Variants in GUCA1C observed in about 807,000 individuals in gnomAD.
GUCA1C encodes the protein guanylate cyclase activator 1C.
Under a neutral mutation model 16.2 loss-of-function variants are expected in GUCA1C, and 15 were observed. The observed-to-expected ratio is 0.93, with a 90% CI of 0.62 to 1.43. The LOEUF is 1.43. GUCA1C is among the 40% of genes most tolerant of loss of function. The pLI is 0.00. For synonymous variants in GUCA1C, 78 were observed against 85.4 expected, an observed-to-expected ratio of 0.91 and a Z score of 0.48; for missense variants, 275 against 244.8, an observed-to-expected ratio of 1.12 and a Z score of -0.82.
At chr3:108,940,929 G>C (rs934064903) in intron 1 of GUCA1C, among the ~76,000 whole-genome samples, 11 of 152,200 alleles carry the variant, frequency 7.2e-5, no homozygotes, top group Non-Finnish European at 1.5e-4. Context: ...TCTTGTCCAA[G>C]ATTACATACC....
At chr3:108,918,121 T>C (rs1386478107) in intron 2 of GUCA1C, among the ~76,000 whole-genome samples, 1 of 152,238 alleles carries the variant, frequency 6.6e-6, no homozygotes, top group East Asian at 1.9e-4. Context: ...TTCAGGGCTG[T>C]CCTGTGCACC....
chr3:108,945,224 T>C (rs1038698790), intron 1 of GUCA1C, among the ~76,000 whole-genome samples: 3 of 152,248 alleles, frequency 2.0e-5, no homozygotes, highest in East Asian at 3.8e-4. Flanking sequence ...GAGGAACCAA[T>C]GGCCAGCAAC....
intron 1 of GUCA1C, among the ~76,000 whole-genome samples, chr3:108,939,699 T>G (rs993506562): frequency 1.3e-5 from 2 of 152,020 alleles, no homozygotes. Flanking sequence ...TTAGTAGTTT[T>G]GGACTCAGAA....
At chr3:108,942,275 A>G (rs1946794337) in intron 1 of GUCA1C, among the ~76,000 whole-genome samples, 1 of 152,192 alleles carries the variant, frequency 6.6e-6, no homozygotes, top group South Asian at 2.1e-4. Flanking sequence ...ATGAGTAATA[A>G]TCAAAGTTTT....
chr3:108,951,141 G>T (rs1367914919), intron 1 of GUCA1C, among the ~76,000 whole-genome samples: 1 of 152,136 alleles, frequency 6.6e-6, no homozygotes, highest in Non-Finnish European at 1.5e-5. Context: ...GGTGGGAGAA[G>T]AGGAAATGGG....
chr3:108,935,129 T>C (rs954987362), intron 1 of GUCA1C, among the ~76,000 whole-genome samples: 15 of 151,884 alleles, frequency 9.9e-5, no homozygotes, highest in African/African-American at 3.6e-4. Context: ...TGCTCTTAAG[T>C]AGGAGCTAAA....
At chr3:108,952,109 T>A (rs1946901117) in intron 1 of GUCA1C, among the ~76,000 whole-genome samples, 1 of 152,160 alleles carries the variant, frequency 6.6e-6, no homozygotes, top group South Asian at 2.1e-4. Flanking sequence ...GAAGCTGCTG[T>A]CTAGAGCAAC....
chr3:108,936,086 G>A (rs1049641300), intron 1 of GUCA1C, among the ~76,000 whole-genome samples: 4 of 152,050 alleles, frequency 2.6e-5, no homozygotes, highest in Admixed American at 6.6e-5. Flanking sequence ...GCAACATGGT[G>A]AAGCCCCGTC....
At chr3:108,938,725 T>A (rs1488267701) in intron 1 of GUCA1C, among the ~76,000 whole-genome samples, 4 of 152,212 alleles carry the variant, frequency 2.6e-5, no homozygotes, top group Admixed American at 2.6e-4. Flanking sequence ...TACTGCTGGC[T>A]TGGAAATTGG....
rs534636822 is a variant in GUCA1C, at chr3:108,938,064, A to C, written c.204+15495T>G. ...TGATAGAGCAAGACTCTGTCTAAAA[A>C]AAAAAACAAAAAACACAGAAATAGA... On this transcript the variant is annotated intron_variant, in intron 1 of 3. Coordinates refer to ENST00000261047, the MANE Select transcript of GUCA1C (RefSeq NM_005459.4). Among the ~76,000 whole-genome samples, 93 of 152,234 alleles carry C rather than the reference A, an allele frequency of 6.1e-4. 1 individual carries two copies. The highest frequency in any genetic ancestry group is 2.0e-3 in the African/African-American group (83 of 41,576).
rs1198303967 is a variant in GUCA1C at position 108,931,891 on chromosome 3, C to T, written c.205-11306G>A. Among the ~76,000 whole-genome samples the T allele has an allele frequency of 5.2e-5, 6 of 115,932 alleles. No homozygotes were observed. In the South Asian group the frequency reaches 1.1e-3, roughly 21 times the overall value. 76.1% of individuals were successfully genotyped at this position (115,932 alleles called of 152,430 possible). A position where few individuals can be genotyped will look rare whatever the true frequency, so the allele number is the denominator to read the frequency against. ...TTTTTTTTTTTTTTTTTTTTTGAGA[C>T]GGAGTCTCGCTCTGTCACCCAGGCT... On this transcript the variant is annotated intron_variant, in intron 1 of 3. Coordinates refer to ENST00000261047, the MANE Select transcript of GUCA1C (RefSeq NM_005459.4).
At position 108,939,172 on chromosome 3, in the gene GUCA1C, C is replaced by A. The variant is rs531772356; in HGVS notation, c.204+14387G>T. On this transcript the variant is annotated intron_variant, in intron 1 of 3. Transcript: ENST00000261047. ...CCCAGCTTCACCCTTATTCAATCAG[C>A]CTTTCTCCTACAAGTGTTTCATTTC... Among the ~76,000 whole-genome samples the A allele has an allele frequency of 3.2e-3, 486 of 152,122 alleles. 5 individuals carry two copies. The highest frequency in any genetic ancestry group is 0.013 in the South Asian group (62 of 4,810).
intron 1 of GUCA1C, among the ~76,000 whole-genome samples, chr3:108,926,490 G>GT (rs111499259): frequency 5.9e-5 from 9 of 151,812 alleles, no homozygotes; most frequent in South Asian, 4.2e-4. Context: ...TGAAGGTCTG[G>GT]TTTTTTTTGA....
At chr3:108,943,629 G>A (rs1327411112) in intron 1 of GUCA1C, among the ~76,000 whole-genome samples, 1 of 152,128 alleles carries the variant, frequency 6.6e-6, no homozygotes, top group Non-Finnish European at 1.5e-5. Context: ...AGAGTGGCGG[G>A]AGAGCCCTCC....
chr3:108,923,142 T>G (rs1946585241), intron 1 of GUCA1C, among the ~76,000 whole-genome samples: 1 of 152,230 alleles, frequency 6.6e-6, no homozygotes, highest in Admixed American at 6.5e-5. Flanking sequence ...ACTCTGCTGA[T>G]TATTTCTTTC....
chr3:108,919,276 A>G lies in GUCA1C; in HGVS notation c.354+1160T>C, dbSNP rs527700798. ...ACTTTAAGGGCTTAATGCATTAAGCATTAAGAAATGCTTTGGTGGCATCCT... is the reference window on the plus strand; with the variant it reads ...ACTTTAAGGGCTTAATGCATTAAGCGTTAAGAAATGCTTTGGTGGCATCCT... On this transcript the variant is annotated intron_variant, in intron 2 of 3. Coordinates refer to ENST00000261047, the MANE Select transcript of GUCA1C (RefSeq NM_005459.4). 2.6e-5 allele frequency among the ~76,000 whole-genome samples: 4 copies of G among 152,148 alleles called. No homozygotes were observed. The East Asian group carries it at 7.7e-4, about 29-fold the overall frequency.
intron 1 of GUCA1C, among the ~76,000 whole-genome samples, chr3:108,939,323 GCT>G (rs1946761076): frequency 3.0e-5 from 1 of 33,226 alleles, no homozygotes; most frequent in African/African-American, 1.0e-4. Flanking sequence ...TTGCTTCAAG[GCT>G]TTTTTTTTTT....
At chr3:108,920,297 AG>A in intron 2 of GUCA1C, 138 bp downstream of exon 2, 2 of 662,792 alleles carry the variant, frequency 3.0e-6, no homozygotes, top group Non-Finnish European at 5.3e-6. Context: ...GGTTAAGTAA[AG>A]CTTATATTAC....
rs200874514 is a variant in GUCA1C at position 108,908,010 on chromosome 3, G to A, written c.*12C>T. On this transcript the variant is annotated 3_prime_UTR_variant, in exon 4 of 4. Transcript: ENST00000261047. Reference sequence around the variant, plus strand: ...TTGTGCTCATTGATAGCTGGGACAGGTATTCTCACAGCTACTTCATTTTCA... The same window carrying A: ...TTGTGCTCATTGATAGCTGGGACAGATATTCTCACAGCTACTTCATTTTCA... The A allele has an allele frequency of 1.9e-6, 3 of 1,590,824 alleles. No individual in the cohort carries two copies. Among genetic ancestry groups the A allele is most frequent in the Admixed American group, 1.7e-5 (1 of 58,946 alleles).
Sources: allele counts gnomAD v4.1 joint callset (sites outside exome capture counted in the v4.1 genomes callset), GRCh38; gene constraint gnomAD v4.1.1; transcripts MANE v1.5; gene names NCBI Gene and HGNC (gene_info 2026-07-23, HGNC 2026-07-21).